PLCH1: variants seen among roughly 807,000 people sequenced by gnomAD.
PLCH1 encodes the protein 1-phosphatidylinositol 4,5-bisphosphate phosphodiesterase eta-1.
A neutral mutation model predicts 126.7 loss-of-function variants in PLCH1; 60 were observed. The ratio of observed to expected loss-of-function variants is 0.47; its 90% CI spans 0.38 to 0.59. The LOEUF (loss-of-function observed/expected upper bound fraction) is 0.59, where lower values mean the gene tolerates loss of function less well. Ranked by LOEUF, PLCH1 falls within the 20% of genes least tolerant of loss-of-function variation. The pLI is 0.00. For missense variants in PLCH1, 1,723 were observed against 2,040.0 expected, an observed-to-expected ratio of 0.84 and a Z score of 2.99; for synonymous variants, 719 against 734.9, an observed-to-expected ratio of 0.98 and a Z score of 0.35.
chr3:155,695,809 C>G (rs1338749526), intron 2 of PLCH1, among the ~76,000 whole-genome samples: 1 of 152,184 alleles, frequency 6.6e-6, no homozygotes, highest in African/African-American at 2.4e-5. Flanking sequence ...AGGACTTTTA[C>G]TCTGGGATTG....
At chr3:155,657,981 A>T (rs1407224063) in intron 2 of PLCH1, 2 of 156,802 alleles carry the variant, frequency 1.3e-5, no homozygotes, top group African/African-American at 4.8e-5. Flanking sequence ...AAGGCCAGAT[A>T]CAAGAGGAGG....
At chr3:155,523,415 G>A (rs949893053) in intron 11 of PLCH1, among the ~76,000 whole-genome samples, 1 of 152,178 alleles carries the variant, frequency 6.6e-6, no homozygotes, top group African/African-American at 2.4e-5. Context: ...ATGTCTGGAA[G>A]GGCTTGGAAA....
At chr3:155,607,452 GT>G (rs545585644) in intron 2 of PLCH1, among the ~76,000 whole-genome samples, 9 of 150,686 alleles carry the variant, frequency 6.0e-5, no homozygotes, top group Middle Eastern at 3.4e-3. Flanking sequence ...ATGTTTATTT[GT>G]TTTTTTTTCT....
intron 2 of PLCH1, among the ~76,000 whole-genome samples, chr3:155,674,013 T>C (rs1338590605): frequency 6.6e-6 from 1 of 152,202 alleles, no homozygotes; most frequent in Non-Finnish European, 1.5e-5. Flanking sequence ...GACCAGTAAT[T>C]CTTACAACAA....
At chr3:155,521,799 A>G (rs1429813503) in intron 11 of PLCH1, among the ~76,000 whole-genome samples, 3 of 152,168 alleles carry the variant, frequency 2.0e-5, no homozygotes, top group Admixed American at 6.5e-5. Flanking sequence ...TATTTCTCCA[A>G]TGTTGATTTA....
chr3:155,632,082 T>C (rs530484150), intron 2 of PLCH1, among the ~76,000 whole-genome samples: 19 of 152,284 alleles, frequency 1.2e-4, no homozygotes, highest in Admixed American at 3.3e-4. Flanking sequence ...ATCCAGGACA[T>C]CTTTCAGTAG....
At chr3:155,460,798 AT>A (rs1354403582) in intron 21 of PLCH1, among the ~76,000 whole-genome samples, 1 of 125,960 alleles carries the variant, frequency 7.9e-6, no homozygotes, top group Non-Finnish European at 1.7e-5. Context: ...AGATAGATAG[AT>A]AGATAGATAG....
chr3:155,672,721 G>C (rs960762411), intron 2 of PLCH1, among the ~76,000 whole-genome samples: 10 of 152,166 alleles, frequency 6.6e-5, no homozygotes, highest in African/African-American at 2.2e-4. Context: ...TGACTTTCTT[G>C]TAACTAATTT....
At chr3:155,500,304 C>T (rs1717704929) in intron 14 of PLCH1, among the ~76,000 whole-genome samples, 1 of 152,220 alleles carries the variant, frequency 6.6e-6, no homozygotes, top group African/African-American at 2.4e-5. Context: ...AGGAGCCAAA[C>T]TTGTCGCATG....
At chr3:155,467,380 C>A (rs1365268133) in intron 21 of PLCH1, among the ~76,000 whole-genome samples, 1 of 152,080 alleles carries the variant, frequency 6.6e-6, no homozygotes, top group Non-Finnish European at 1.5e-5. Flanking sequence ...TCGAGACCAG[C>A]CTGGCCAACA....
At chr3:155,611,667 G>A (rs1436985763) in intron 2 of PLCH1, among the ~76,000 whole-genome samples, 1 of 151,976 alleles carries the variant, frequency 6.6e-6, no homozygotes, top group East Asian at 1.9e-4. Flanking sequence ...TAGAACAAAT[G>A]GAACAGATAT....
chr3:155,522,204 C>G (rs574316847), intron 11 of PLCH1, among the ~76,000 whole-genome samples: 1 of 150,480 alleles, frequency 6.6e-6, no homozygotes, highest in Non-Finnish European at 1.5e-5. Flanking sequence ...AAATCAGAGA[C>G]AAAAATCTGG....
At chr3:155,574,918 G>T (rs1729721050) in intron 6 of PLCH1, among the ~76,000 whole-genome samples, 1 of 152,024 alleles carries the variant, frequency 6.6e-6, no homozygotes, top group South Asian at 2.1e-4. Context: ...ATCACTTGAG[G>T]TCAGGAGTTC....
intron 2 of PLCH1, among the ~76,000 whole-genome samples, chr3:155,629,425 C>G (rs917969927): frequency 6.6e-6 from 1 of 152,178 alleles, no homozygotes; most frequent in Non-Finnish European, 1.5e-5. Flanking sequence ...CAGACTTGCT[C>G]GTATAACTGC....
intron 2 of PLCH1, among the ~76,000 whole-genome samples, chr3:155,666,723 T>C (rs1304661511): frequency 6.6e-6 from 1 of 152,222 alleles, no homozygotes; most frequent in African/African-American, 2.4e-5. Context: ...AGTTATTGCT[T>C]CTTTGGTGTT....
At chr3:155,705,490 A>G (rs190363374) in intron 1 of PLCH1, among the ~76,000 whole-genome samples, 2 of 152,170 alleles carry the variant, frequency 1.3e-5, no homozygotes, top group African/African-American at 2.4e-5. Context: ...TGACTACAAA[A>G]TACAATAGAA....
intron 6 of PLCH1, among the ~76,000 whole-genome samples, chr3:155,574,335 C>T (rs1241596393): frequency 2.6e-5 from 4 of 152,184 alleles, no homozygotes; most frequent in Non-Finnish European, 5.9e-5. Context: ...TCAACCAATG[C>T]TTGTTTTCAA....
At chr3:155,461,552 A>C (rs942409530) in intron 21 of PLCH1, among the ~76,000 whole-genome samples, 5 of 152,212 alleles carry the variant, frequency 3.3e-5, no homozygotes, top group African/African-American at 9.6e-5. Flanking sequence ...GTTTGCCCAG[A>C]CCTTCAGATC....
In PLCH1 at chr3:155,482,449, C is replaced by T. The variant is rs756557792; in HGVS notation, c.3577G>A (p.Gly1193Ser). 1 of 1,614,068 alleles carries T rather than the reference C, an allele frequency of 6.2e-7. No individual in the cohort carries two copies. The highest frequency in any genetic ancestry group is 2.2e-5 in the East Asian group (1 of 44,866). ...EPGSSISALI[G>S]QFDETNNQAL... is the part of the protein sequence containing the mutation. Reference sequence around the variant, plus strand: ...TGATTGTTGGTCTCATCAAACTGGCCAATCAGGGCTGAGATGGAACTGCCC... The same window carrying T: ...TGATTGTTGGTCTCATCAAACTGGCTAATCAGGGCTGAGATGGAACTGCCC... The change falls in exon 23 of 23, where the codon GGC becomes AGC. Residue 1193 changes from glycine to serine, a missense_variant. Around this residue, in one of 2 missense-constraint regions of PLCH1, gnomAD observed 947 missense variants for 977.1 expected, o/e 0.97. Transcript: ENST00000460012.
Sources: gnomAD v4.1 joint callset for allele counts (sites outside exome capture counted in the v4.1 genomes callset) on GRCh38, gnomAD v4.1.1 for gene constraint, gnomAD v4.1.1 regional missense constraint, MANE v1.5 for transcripts, NCBI Gene and HGNC (gene_info 2026-07-23, HGNC 2026-07-21) for gene names.